Variants in PMFBP1 observed in about 807,000 individuals in gnomAD.
PMFBP1 encodes the protein polyamine modulated factor 1 binding protein 1.
Under a neutral mutation model 137.8 loss-of-function variants are expected in PMFBP1, and 131 were observed. That is an observed-to-expected ratio of 0.95 (90% CI 0.82 to 1.10). The LOEUF (loss-of-function observed/expected upper bound fraction) is 1.10, where lower values mean the gene tolerates loss of function less well. Among genes scored for constraint, PMFBP1 ranks in the 50% least tolerant of loss-of-function variants. PMFBP1 has a pLI of 0.00. For missense variants in PMFBP1, 1,199 were observed against 1,175.4 expected (o/e 1.02, Z -0.29); for synonymous variants, 490 against 450.4 (o/e 1.09, Z -1.11).
chr16:72,213,667 G>T, the PMFBP1 span, among the ~76,000 whole-genome samples: 116 of 152,328 alleles, frequency 7.6e-4, no homozygotes, highest in Admixed American at 2.4e-3. Flanking sequence ...TTTTCCCACA[G>T]AAATTGTAAG....
At chr16:72,220,250 T>C in the PMFBP1 span, among the ~76,000 whole-genome samples, 1 of 152,236 alleles carries the variant, frequency 6.6e-6, no homozygotes, top group South Asian at 2.1e-4. Context: ...CACAAAGTAT[T>C]TGCAATAACA....
chr16:72,163,390 TATCTC>T (rs1190527407), intron 3 of PMFBP1, among the ~76,000 whole-genome samples: 2 of 152,242 alleles, frequency 1.3e-5, no homozygotes, highest in East Asian at 3.8e-4. Context: ...AAAATGAAAT[TATCTC>T]AGCTGATGAA....
chr16:72,226,434 G>A, the PMFBP1 span, among the ~76,000 whole-genome samples: 1 of 152,136 alleles, frequency 6.6e-6, no homozygotes, highest in Non-Finnish European at 1.5e-5. Context: ...CATTTCCGGG[G>A]TTAATTTTCA....
the PMFBP1 span, among the ~76,000 whole-genome samples, chr16:72,223,979 C>T: frequency 2.0e-5 from 3 of 152,208 alleles, no homozygotes; most frequent in African/African-American, 7.2e-5. Context: ...ATGAATTTCA[C>T]ACCCTTTCCA....
chr16:72,159,273 G>A (rs748028551), intron 3 of PMFBP1, among the ~76,000 whole-genome samples: 3 of 152,122 alleles, frequency 2.0e-5, no homozygotes, highest in Non-Finnish European at 4.4e-5. Flanking sequence ...ATTACTCTTT[G>A]GTCTTAAAGC....
chr16:72,161,094 C>CT (rs35611285), intron 3 of PMFBP1, among the ~76,000 whole-genome samples: 1,630 of 124,932 alleles, frequency 0.013, 24 homozygotes, highest in Non-Finnish European at 0.018. Flanking sequence ...TTATCTGTTA[C>CT]TTTTTTTTTT....
the PMFBP1 span, among the ~76,000 whole-genome samples, chr16:72,228,257 G>A: frequency 6.6e-6 from 1 of 152,178 alleles, no homozygotes; most frequent in Non-Finnish European, 1.5e-5. Context: ...ACACTGGGAG[G>A]AATTTTGGCC....
chr16:72,119,255 G>T lies in PMFBP1; in HGVS notation c.*83C>A. The T allele has an allele frequency of 6.8e-7, 1 of 1,471,488 alleles. No individual in the cohort carries two copies. The highest frequency in any genetic ancestry group is 9.5e-7 in the Non-Finnish European group (1 of 1,051,168). 91.2% of individuals were successfully genotyped at this position (1,471,488 alleles called of 1,614,324 possible). ...ATATACTCCTGTAAGAGCTGATCCAGGTCAAGAGAGAGGGAGGGCTGGGAA... is the reference window on the plus strand; with the variant it reads ...ATATACTCCTGTAAGAGCTGATCCATGTCAAGAGAGAGGGAGGGCTGGGAA... On this transcript the variant is annotated 3_prime_UTR_variant, in exon 21 of 21. Coordinates refer to ENST00000237353, the MANE Select transcript of PMFBP1 (RefSeq NM_031293.3).
At position 72,121,523 on chromosome 16, in the gene PMFBP1, T is replaced by C. The variant is rs1462792136; in HGVS notation, c.2768+1391A>G. Among the ~76,000 whole-genome samples the C allele has an allele frequency of 2.0e-5, 3 of 152,344 alleles. No homozygotes were observed. The East Asian group carries it at 5.8e-4, about 29-fold the overall frequency. ...GGCTTTCCACCTGGGGTGCCACGAA[T>C]GGATTCCAGGTGTTTGGAGATGCCT... On this transcript the variant is annotated intron_variant, in intron 19 of 20. Coordinates refer to ENST00000237353, the MANE Select transcript of PMFBP1 (RefSeq NM_031293.3).
the PMFBP1 span, among the ~76,000 whole-genome samples, chr16:72,193,206 G>C: frequency 6.6e-6 from 1 of 152,078 alleles, no homozygotes; most frequent in Non-Finnish European, 1.5e-5. Flanking sequence ...GGGCAACAGA[G>C]TGAGATTCTG....
At chr16:72,220,034 A>G in the PMFBP1 span, among the ~76,000 whole-genome samples, 8 of 152,168 alleles carry the variant, frequency 5.3e-5, no homozygotes, top group African/African-American at 1.9e-4. Context: ...ATTGTATAAT[A>G]CTCCATACTA....
chr16:72,229,370 C>T, the PMFBP1 span, among the ~76,000 whole-genome samples: 1 of 152,094 alleles, frequency 6.6e-6, no homozygotes, highest in African/African-American at 2.4e-5. Flanking sequence ...GGTATGTAAC[C>T]AGTAACGAGA....
At chr16:72,220,492 T>G in the PMFBP1 span, among the ~76,000 whole-genome samples, 1 of 152,144 alleles carries the variant, frequency 6.6e-6, no homozygotes, top group Non-Finnish European at 1.5e-5. Flanking sequence ...CATACCATAA[T>G]TTGAATAGAG....
Position 72,144,483 on chromosome 16 carries a change from C to T in PMFBP1, c.637-3901G>A, listed in dbSNP as rs532322264. ...GAGAAGGTCCCGTGTACAGAAGAAT[C>T]GGTCTGTGAGCTGGTACCTGAACCA... On this transcript the variant is annotated intron_variant, in intron 5 of 20. Transcript: ENST00000237353. 2.6e-5 allele frequency among the ~76,000 whole-genome samples: 4 copies of T among 152,196 alleles called. No homozygotes were observed. In the South Asian group the frequency reaches 6.2e-4, roughly 24 times the overall value.
rs1357437736 is a variant in PMFBP1, at chr16:72,119,902, T to C, written c.2956A>G (p.Met986Val). 4.3e-6 allele frequency: 7 copies of C among 1,614,076 alleles called. No homozygotes were observed. The East Asian group carries it at 6.7e-5, about 15-fold the overall frequency. ...TLGWKGLPQDMGQRMDLTKYI... is the reference protein window; with the variant it reads ...TLGWKGLPQDVGQRMDLTKYI... ...TTGGTGAGGTCCATTCTTTGACCCA[T>C]ATCCTGGGGCAACCCCTTCCAGCCC... The change falls in exon 20 of 21, where the codon ATG (methionine) becomes GTG (valine). Residue 986 changes from methionine to valine, a missense_variant. Met to Val is a conservative substitution (Grantham distance 21, BLOSUM62 1). Coordinates refer to ENST00000237353, the MANE Select transcript of PMFBP1 (RefSeq NM_031293.3).
At chr16:72,173,025 A>C (rs2043235642), upstream of PMFBP1, among the ~76,000 whole-genome samples, 1 of 152,348 alleles carries the variant, frequency 6.6e-6, no homozygotes, top group Non-Finnish European at 1.5e-5. Context: ...CAAGATTAAA[A>C]ATAGCGTGGC....
intron 4 of PMFBP1, among the ~76,000 whole-genome samples, chr16:72,153,921 TACACACACACAC>T (rs3223525): frequency 1.9e-4 from 26 of 134,042 alleles, no homozygotes; most frequent in African/African-American, 5.4e-4. Context: ...GATGGACTTA[TACACACACACAC>T]ACACACACAC....
chr16:72,123,110 C>T (rs562228574), intron 18 of PMFBP1, 122 bp from the exon 19 acceptor site: 18 of 808,572 alleles, frequency 2.2e-5, no homozygotes, highest in East Asian at 7.7e-5. Context: ...ACGTCCCCCA[C>T]GCATCACCCC....
chr16:72,119,099 T>G lies in PMFBP1; in HGVS notation c.*239A>C, dbSNP rs1277034667. On this transcript the variant is annotated 3_prime_UTR_variant, in exon 21 of 21. Coordinates refer to ENST00000237353, the MANE Select transcript of PMFBP1 (RefSeq NM_031293.3). Reference sequence around the variant, plus strand: ...CGCCAACAGCTCACCACAACTGCTGTGCTCATGCTCATGTCTTTATTTCAG... The same window carrying G: ...CGCCAACAGCTCACCACAACTGCTGGGCTCATGCTCATGTCTTTATTTCAG... 1.4e-5 allele frequency: 7 copies of G among 487,576 alleles called. No homozygotes were observed. Among genetic ancestry groups the G allele is most frequent in the Non-Finnish European group, 2.6e-5 (7 of 274,146 alleles). The allele number at this position is 487,576 out of a possible 1,614,324, so 30.2% of individuals were successfully genotyped here. A position where few individuals can be genotyped will look rare whatever the true frequency, so the allele number is the denominator to read the frequency against.
Sources: allele counts gnomAD v4.1 joint callset (sites outside exome capture counted in the v4.1 genomes callset), GRCh38; gene constraint gnomAD v4.1.1; transcripts MANE v1.5; gene names NCBI Gene and HGNC (gene_info 2026-07-23, HGNC 2026-07-21).